Variants in LRRC4C observed in about 807,000 individuals in gnomAD.
LRRC4C encodes leucine rich repeat containing 4C.
LRRC4C carries 5 observed loss-of-function variants against 33.6 expected under a neutral mutation model. The observed-to-expected ratio is 0.15, with a 90% CI of 0.08 to 0.31. The LOEUF (loss-of-function observed/expected upper bound fraction) is 0.31, where lower values mean the gene tolerates loss of function less well. LRRC4C is among the 10% of genes least tolerant of loss of function. The pLI is 1.00. For missense variants in LRRC4C, 560 were observed against 796.7 expected (o/e 0.70, Z 3.58); for synonymous variants, 329 against 302.0 (o/e 1.09, Z -0.93).
chr11:41,230,540 T>G (rs898749109), intron 1 of LRRC4C, among the ~76,000 whole-genome samples: 3 of 152,004 alleles, frequency 2.0e-5, no homozygotes, highest in Non-Finnish European at 2.9e-5. Flanking sequence ...TCTTAGGATT[T>G]TTCACTTGCA....
At chr11:40,423,490 G>A (rs1305009770) in intron 3 of LRRC4C, among the ~76,000 whole-genome samples, 5 of 151,856 alleles carry the variant, frequency 3.3e-5, no homozygotes, top group African/African-American at 7.2e-5. Flanking sequence ...GACTACAGGC[G>A]CCCGCTACCA....
At chr11:40,588,289 G>A (rs567299005) in intron 3 of LRRC4C, among the ~76,000 whole-genome samples, 2 of 151,770 alleles carry the variant, frequency 1.3e-5, no homozygotes, top group South Asian at 2.1e-4. Context: ...ATTCTCTGAT[G>A]GTAGTTTGTA....
At chr11:40,836,029 C>A (rs938619477) in intron 2 of LRRC4C, among the ~76,000 whole-genome samples, 1 of 152,076 alleles carries the variant, frequency 6.6e-6, no homozygotes, top group African/African-American at 2.4e-5. Context: ...CAACTTAATT[C>A]CAGTCACTGT....
intron 1 of LRRC4C, among the ~76,000 whole-genome samples, chr11:41,110,652 A>G (rs1941776158): frequency 6.6e-6 from 1 of 152,002 alleles, no homozygotes; most frequent in African/African-American, 2.4e-5. Context: ...TACGTTTTGC[A>G]AGTTTTATTA....
At chr11:41,288,076 T>A (rs1286524509) in intron 1 of LRRC4C, among the ~76,000 whole-genome samples, 1 of 152,186 alleles carries the variant, frequency 6.6e-6, no homozygotes, top group African/African-American at 2.4e-5. Context: ...TGCCAGGTTC[T>A]CTACTATGCT....
intron 5 of LRRC4C, among the ~76,000 whole-genome samples, chr11:40,179,720 G>A (rs1463670364): frequency 1.3e-5 from 2 of 152,184 alleles, no homozygotes; most frequent in East Asian, 3.8e-4. Flanking sequence ...ACCAGCAGCG[G>A]AGAAAAGACA....
At chr11:41,359,906 G>C (rs540135383) in intron 1 of LRRC4C, among the ~76,000 whole-genome samples, 1 of 152,262 alleles carries the variant, frequency 6.6e-6, no homozygotes, top group South Asian at 2.1e-4. Flanking sequence ...AAATTGGCCA[G>C]GCACGGTGAC....
chr11:40,848,240 A>G (rs1953294100), intron 2 of LRRC4C, among the ~76,000 whole-genome samples: 1 of 152,010 alleles, frequency 6.6e-6, no homozygotes, highest in East Asian at 1.9e-4. Flanking sequence ...TTGTGATGTT[A>G]GCGTGTCGAT....
At chr11:41,211,780 G>A (rs145181393) in intron 1 of LRRC4C, among the ~76,000 whole-genome samples, 5 of 152,082 alleles carry the variant, frequency 3.3e-5, no homozygotes, top group African/African-American at 7.2e-5. Flanking sequence ...GAGTAGAGCC[G>A]CAATAAACAT....
At chr11:41,431,586 A>T (rs1434350450) in intron 1 of LRRC4C, among the ~76,000 whole-genome samples, 1 of 151,904 alleles carries the variant, frequency 6.6e-6, no homozygotes, top group East Asian at 2.0e-4. Flanking sequence ...CAGATTGGTT[A>T]TTGGTTATTT....
At chr11:40,927,651 T>C (rs1451757184) in intron 2 of LRRC4C, among the ~76,000 whole-genome samples, 6 of 152,194 alleles carry the variant, frequency 3.9e-5, no homozygotes, top group African/African-American at 1.2e-4. Flanking sequence ...AGTTACTCTA[T>C]AGTTGGTTGA....
intron 5 of LRRC4C, among the ~76,000 whole-genome samples, chr11:40,165,806 G>C (rs977995902): frequency 1.3e-5 from 2 of 152,082 alleles, no homozygotes; most frequent in African/African-American, 4.8e-5. Context: ...TTAGCCGGGC[G>C]TGGTGGTGCA....
chr11:40,949,249 T>G (rs1004691477), intron 1 of LRRC4C, among the ~76,000 whole-genome samples: 1 of 152,210 alleles, frequency 6.6e-6, no homozygotes, highest in Non-Finnish European at 1.5e-5. Flanking sequence ...TTGGAGTTCA[T>G]TGTAGATTCT....
rs58767227 is a variant in LRRC4C at position 40,208,948 on chromosome 11, CGTGTGT to C, written c.-96+32565_-96+32570del. Among the ~76,000 whole-genome samples the C allele has an allele frequency of 4.1e-5, 6 of 146,736 alleles. No individual in the cohort carries two copies. In the East Asian group the frequency reaches 8.1e-4, roughly 20 times the overall value. On this transcript the variant is annotated intron_variant, in intron 5 of 6. Transcript: ENST00000528697. ...CCAAATCAGGGCTTTCTTTTGTGCACGTGTGTGTGTGTGTGTGTGTGTGTGTGTGTG... is the reference window on the plus strand; with the variant it reads ...CCAAATCAGGGCTTTCTTTTGTGCACGTGTGTGTGTGTGTGTGTGTGTGTG...
chr11:40,440,650 ATTAT>A, intron 3 of LRRC4C, among the ~76,000 whole-genome samples: 1 of 152,288 alleles, frequency 6.6e-6, no homozygotes, highest in Admixed American at 6.5e-5. Flanking sequence ...ATTGAGGGAC[ATTAT>A]TTATTCATAC....
intron 3 of LRRC4C, among the ~76,000 whole-genome samples, chr11:40,597,853 TA>T (rs1959521756): frequency 1.3e-5 from 2 of 152,288 alleles, no homozygotes; most frequent in South Asian, 4.1e-4. Flanking sequence ...GAGAGCTCAG[TA>T]ACATGAGGAA....
chr11:41,223,833 G>A (rs1187290200), intron 1 of LRRC4C, among the ~76,000 whole-genome samples: 1 of 152,182 alleles, frequency 6.6e-6, no homozygotes, highest in Non-Finnish European at 1.5e-5. Flanking sequence ...TGGCAGAACA[G>A]GACTTGGAGA....
intron 5 of LRRC4C, among the ~76,000 whole-genome samples, chr11:40,172,785 TGA>T (rs1415212410): frequency 1.3e-5 from 2 of 152,160 alleles, no homozygotes; most frequent in Non-Finnish European, 2.9e-5. Context: ...TGTTATAGGT[TGA>T]AATGTGTGCC....
chr11:40,370,124 G>A (rs966196830), intron 3 of LRRC4C, among the ~76,000 whole-genome samples: 1 of 152,110 alleles, frequency 6.6e-6, no homozygotes, highest in African/African-American at 2.4e-5. Flanking sequence ...TGGATGTGGG[G>A]ATTTTATTGG....
Sources: gnomAD v4.1 joint callset for allele counts (sites outside exome capture counted in the v4.1 genomes callset) on GRCh38, gnomAD v4.1.1 for gene constraint, MANE v1.5 for transcripts, NCBI Gene and HGNC (gene_info 2026-07-23, HGNC 2026-07-21) for gene names.